The following TTK variants were observed in gnomAD, a reference collection of about 807,000 sequenced individuals.
The protein encoded by TTK is dual specificity protein kinase TTK.
A neutral mutation model predicts 117.3 loss-of-function variants in TTK; 59 were observed. The ratio of observed to expected loss-of-function variants is 0.50; its 90% CI spans 0.41 to 0.62. The LOEUF (loss-of-function observed/expected upper bound fraction) is 0.62, where lower values mean the gene tolerates loss of function less well. Among genes scored for constraint, TTK ranks in the 20% least tolerant of loss-of-function variants. The pLI is 0.00. For synonymous variants in TTK, 302 were observed against 325.0 expected (o/e 0.93, Z 0.76); for missense variants, 921 against 989.4 (o/e 0.93, Z 0.93).
chr6:80,008,966 T>C (rs1452389779), intron 4 of TTK, among the ~76,000 whole-genome samples: 3 of 150,172 alleles, frequency 2.0e-5, no homozygotes, highest in African/African-American at 4.9e-5. Flanking sequence ...TGTGTGTGTG[T>C]GTAGCGTTAA....
intron 11 of TTK, among the ~76,000 whole-genome samples, chr6:80,022,733 G>A (rs1190293020): frequency 6.6e-6 from 1 of 152,072 alleles, no homozygotes; most frequent in Admixed American, 6.5e-5. Context: ...CTAGTTCTTA[G>A]CCTGATTGTG....
rs914916834 is a variant in TTK at position 80,011,537 on chromosome 6, G to T, written c.717G>T (p.Arg239Ser). ...CCAGAGGACAGACTACTAAAGCCAG[G>T]TTTTTATATGGGTAAGGAAACGGAA... is the stretch of plus-strand genomic sequence containing the variant. ...CDSRGQTTKA[R>S]FLYGENMPPQ... Residue 239 changes from arginine to serine, a missense_variant, in exon 6 of 22, where the codon AGG (arginine) becomes AGT (serine). Physicochemically the swap from Arg to Ser is moderately radical, Grantham distance 110. Transcript: ENST00000369798. The T allele has an allele frequency of 2.5e-6, 4 of 1,601,338 alleles. No homozygotes were observed. In the African/African-American group the frequency reaches 5.4e-5, roughly 22 times the overall value.
intron 10 of TTK, among the ~76,000 whole-genome samples, chr6:80,017,561 G>C (rs897176353): frequency 1.3e-5 from 2 of 152,160 alleles, no homozygotes; most frequent in African/African-American, 4.8e-5. Context: ...TTACAAGTGT[G>C]AGCTATCACA....
chr6:80,010,984 T>A, intron 5 of TTK, 27 bp downstream of exon 5: 1 of 1,596,084 alleles, frequency 6.3e-7, no homozygotes, highest in Non-Finnish European at 8.5e-7. Flanking sequence ...ACTAATACTT[T>A]CTGTGGTAGG....
chr6:80,040,786 A>T, intron 21 of TTK, 83 bp downstream of exon 21: 1 of 1,302,296 alleles, frequency 7.7e-7, no homozygotes, highest in Non-Finnish European at 1.1e-6. Context: ...GTCTGAAGAA[A>T]AGTTGGTCCA....
intron 11 of TTK, 66 bp downstream of exon 11, chr6:80,022,538 CAT>C: frequency 6.7e-7 from 1 of 1,501,044 alleles, no homozygotes; most frequent in East Asian, 2.3e-5. Context: ...GGTTGATGAT[CAT>C]ATTAAATGTT....
intron 21 of TTK, among the ~76,000 whole-genome samples, chr6:80,041,582 G>A (rs1232206023): frequency 6.6e-6 from 1 of 151,558 alleles, no homozygotes; most frequent in Non-Finnish European, 1.5e-5. Context: ...AGTTGAGGTG[G>A]ATTATTTTTA....
chr6:80,025,393 G>A (rs567461931), intron 11 of TTK, among the ~76,000 whole-genome samples: 7 of 152,298 alleles, frequency 4.6e-5, no homozygotes, highest in South Asian at 4.1e-4. Flanking sequence ...TCTCAAGTGC[G>A]TAATGAGGAC....
At chr6:80,018,604 G>T (rs1219748283) in intron 10 of TTK, among the ~76,000 whole-genome samples, 1 of 147,026 alleles carries the variant, frequency 6.8e-6, no homozygotes, top group Non-Finnish European at 1.5e-5. Flanking sequence ...AGCAGCCTGG[G>T]CAATAGAGCG....
rs1474002310 is a variant in TTK, at chr6:80,007,913, G to A, written c.244G>A (p.Ala82Thr). 1 of 1,613,600 alleles carries A rather than the reference G, an allele frequency of 6.2e-7. No individual in the cohort carries two copies. Among genetic ancestry groups the A allele is most frequent in the South Asian group, 1.1e-5 (1 of 91,072 alleles). The change falls in exon 3 of 22, where the codon GCT becomes ACT. Residue 82 changes from alanine to threonine, a missense_variant. Coordinates refer to ENST00000369798, the MANE Select transcript of TTK (RefSeq NM_003318.5). ...LEKNSVPLSD[A>T]LLNKLIGRYS... ...GAAAAACAGTGTTCCGCTAAGTGAT[G>A]CTCTTTTAAATAAATTGATTGGTCG...
intron 13 of TTK, among the ~76,000 whole-genome samples, chr6:80,028,228 C>A (rs1453550561): frequency 6.6e-6 from 1 of 151,914 alleles, no homozygotes; most frequent in Admixed American, 6.6e-5. Context: ...AATAACTAGG[C>A]CAAAGGATCC....
rs1267056554 is a variant in TTK, at chr6:80,037,957, T to G, written c.2050-10T>G. 6.5e-7 allele frequency: 1 copy of G among 1,532,662 alleles called. No homozygotes were observed. Among genetic ancestry groups the G allele is most frequent in the Non-Finnish European group, 8.8e-7 (1 of 1,140,224 alleles). 94.9% of individuals were successfully genotyped at this position (1,532,662 alleles called of 1,614,324 possible). On this transcript the variant is annotated splice_polypyrimidine_tract_variant and intron_variant, in intron 17 of 21. Transcript: ENST00000369798. ...TCATTGATTTGTGTTTTCTCTGACT[T>G]GGCATATAGGTTGGCACAGTTAATT...
intron 14 of TTK, among the ~76,000 whole-genome samples, chr6:80,033,348 C>T (rs1212897698): frequency 6.6e-6 from 1 of 152,186 alleles, no homozygotes; most frequent in East Asian, 1.9e-4. Context: ...CACTGTAAAA[C>T]TTCAACTCCC....
intron 18 of TTK, among the ~76,000 whole-genome samples, chr6:80,039,342 C>A (rs147807377): frequency 3.3e-5 from 5 of 151,560 alleles, no homozygotes; most frequent in African/African-American, 1.2e-4. Flanking sequence ...TGTATACATA[C>A]TTTGTACTTA....
chr6:80,039,580 G>C (rs1767991892), intron 18 of TTK, 116 bp from the exon 19 acceptor site: 3 of 709,030 alleles, frequency 4.2e-6, no homozygotes, highest in Admixed American at 4.2e-5. Flanking sequence ...ACATAATGTA[G>C]TACACATTCA....
chr6:80,035,244 G>A (rs764473021), intron 15 of TTK, 22 bp from the exon 16 acceptor site: 2 of 1,564,716 alleles, frequency 1.3e-6, no homozygotes, highest in Non-Finnish European at 1.7e-6. Flanking sequence ...TTGTTTTGTT[G>A]CTTTTATTTG....
Position 80,007,867 on chromosome 6 carries a change from G to A in TTK, c.198G>A (p.Leu66=), listed in dbSNP as rs1449899457. Residue 66 remains leucine (L), a synonymous_variant, in exon 3 of 22, where the codon TTG becomes TTA. Coordinates refer to ENST00000369798, the MANE Select transcript of TTK (RefSeq NM_003318.5). Reference sequence around the variant, plus strand: ...TGGCAAACAACCCAGAGGACTGGTTGAGTTTGTTGCTCAAACTAGAGAAAA... The same window carrying A: ...TGGCAAACAACCCAGAGGACTGGTTAAGTTTGTTGCTCAAACTAGAGAAAA... The part of the protein sequence containing the change: ...MMMANNPEDW[L]SLLLKLEKNS... The A allele has an allele frequency of 1.2e-6, 2 of 1,613,286 alleles. No individual in the cohort carries two copies. Among genetic ancestry groups the A allele is most frequent in the African/African-American group, 1.3e-5 (1 of 74,876 alleles).
chr6:80,024,978 G>T (rs1010623661), intron 11 of TTK, among the ~76,000 whole-genome samples: 1 of 152,122 alleles, frequency 6.6e-6, no homozygotes, highest in Non-Finnish European at 1.5e-5. Flanking sequence ...CAAGGCTCTG[G>T]ATCAACCAGA....
chr6:80,010,746 G>A (rs558508412), intron 4 of TTK, 68 bp from the exon 5 acceptor site: 10 of 1,456,586 alleles, frequency 6.9e-6, no homozygotes, highest in South Asian at 3.9e-5. Flanking sequence ...TGATGAATAC[G>A]TATCTGGGTG....
Sources: gnomAD v4.1 joint callset for allele counts (sites outside exome capture counted in the v4.1 genomes callset) on GRCh38, gnomAD v4.1.1 for gene constraint, MANE v1.5 for transcripts, NCBI Gene and HGNC (gene_info 2026-07-23, HGNC 2026-07-21) for gene names.